Variants in RANBP2 observed in about 807,000 individuals in gnomAD.
RANBP2 encodes the protein E3 SUMO-protein ligase RanBP2.
In RANBP2, 57 loss-of-function variants were observed where a neutral mutation model predicts 303.6. The observed-to-expected ratio is 0.19, with a 90% CI of 0.15 to 0.23. The LOEUF (loss-of-function observed/expected upper bound fraction) is 0.23. Among genes scored for constraint, RANBP2 ranks in the 10% least tolerant of loss-of-function variants. RANBP2 has a pLI of 1.00. For synonymous variants in RANBP2, 1,167 were observed against 1,301.5 expected (o/e 0.90, Z 2.23); for missense variants, 3,138 against 3,780.8 (o/e 0.83, Z 4.46).
At chr2:108,742,561 C>T (rs539876551) in intron 7 of RANBP2, among the ~76,000 whole-genome samples, 72 of 152,152 alleles carry the variant, frequency 4.7e-4, no homozygotes, top group African/African-American at 1.6e-3. Context: ...GACTTGGCCT[C>T]TCAAAGTGCT....
At chr2:109,632,266 A>G in the RANBP2 span, among the ~76,000 whole-genome samples, 113 of 152,318 alleles carry the variant, frequency 7.4e-4, 1 homozygote, top group African/African-American at 2.7e-3. Flanking sequence ...TGAGTCTGCC[A>G]GTTGTACTAG....
chr2:109,513,468 T>TGTACACACA, the RANBP2 span, among the ~76,000 whole-genome samples: 1 of 141,364 alleles, frequency 7.1e-6, no homozygotes, highest in East Asian at 2.2e-4. Context: ...ATATAGACAC[T>TGTACACACA]CCACATGTAC....
the RANBP2 span, chr2:109,432,637 G>T: frequency 6.2e-7 from 1 of 1,612,906 alleles, no homozygotes; most frequent in Non-Finnish European, 8.5e-7. Context: ...GGTCTCTGGG[G>T]TGTTCCCCGG....
At chr2:109,138,957 T>C in the RANBP2 span, among the ~76,000 whole-genome samples, 1 of 152,224 alleles carries the variant, frequency 6.6e-6, no homozygotes, top group Non-Finnish European at 1.5e-5. Flanking sequence ...AGCCAATAGG[T>C]ATCTCTTGAC....
the RANBP2 span, among the ~76,000 whole-genome samples, chr2:109,627,429 T>C: frequency 5.3e-5 from 8 of 152,184 alleles, no homozygotes; most frequent in Non-Finnish European, 1.2e-4. Context: ...ACCTCTGAGC[T>C]CAGGTGATCC....
the RANBP2 span, among the ~76,000 whole-genome samples, chr2:109,318,435 C>T: frequency 1.3e-5 from 2 of 152,268 alleles, no homozygotes; most frequent in East Asian, 3.9e-4. Flanking sequence ...TTGTGTGAGG[C>T]CTCCTCTCAA....
At chr2:108,999,661 T>C in the RANBP2 span, among the ~76,000 whole-genome samples, 1 of 152,234 alleles carries the variant, frequency 6.6e-6, no homozygotes, top group African/African-American at 2.4e-5. Context: ...TTATGTACAC[T>C]TTTCGGTTTC....
the RANBP2 span, among the ~76,000 whole-genome samples, chr2:109,429,600 C>T: frequency 2.0e-5 from 3 of 152,152 alleles, no homozygotes; most frequent in Non-Finnish European, 4.4e-5. Flanking sequence ...CGGGCCACAC[C>T]TCTGTGCAAC....
chr2:109,241,557 C>T, the RANBP2 span, among the ~76,000 whole-genome samples: 1 of 152,126 alleles, frequency 6.6e-6, no homozygotes, highest in Non-Finnish European at 1.5e-5. Flanking sequence ...TCCCACACAA[C>T]CTTCTTCCCT....
chr2:109,695,149 T>C, the RANBP2 span, among the ~76,000 whole-genome samples: 2 of 151,952 alleles, frequency 1.3e-5, no homozygotes, highest in Admixed American at 1.3e-4. Context: ...ATCCTTTTTA[T>C]AACCTCTCTT....
chr2:108,742,289 G>T (rs1696172662), intron 7 of RANBP2, among the ~76,000 whole-genome samples: 1 of 150,656 alleles, frequency 6.6e-6, no homozygotes. Context: ...GAGCCACCAT[G>T]CCCTGCCTAA....
the RANBP2 span, chr2:109,129,096 G>A: frequency 5.5e-6 from 2 of 361,178 alleles, no homozygotes; most frequent in South Asian, 3.9e-5. Flanking sequence ...CGGCTCGCCA[G>A]CTGCGCGGAG....
chr2:109,399,613 A>T, the RANBP2 span, among the ~76,000 whole-genome samples: 2 of 152,316 alleles, frequency 1.3e-5, no homozygotes, highest in East Asian at 3.9e-4. Flanking sequence ...ACAAGCAACC[A>T]ATCAGTCAAT....
chr2:109,387,242 C>T, the RANBP2 span, among the ~76,000 whole-genome samples: 1 of 152,212 alleles, frequency 6.6e-6, no homozygotes, highest in South Asian at 2.1e-4. Flanking sequence ...ATTCTCATAA[C>T]ATGATTGCAG....
the RANBP2 span, among the ~76,000 whole-genome samples, chr2:109,074,343 G>A: frequency 6.6e-6 from 1 of 150,480 alleles, no homozygotes; most frequent in East Asian, 1.9e-4. Context: ...ACTCCAGCCT[G>A]GACAACAGAG....
At chr2:109,641,713 G>C in the RANBP2 span, among the ~76,000 whole-genome samples, 1 of 151,594 alleles carries the variant, frequency 6.6e-6, no homozygotes, top group African/African-American at 2.4e-5. Context: ...TGTATCTCTT[G>C]AATCACTTTT....
the RANBP2 span, among the ~76,000 whole-genome samples, chr2:108,803,146 A>G: frequency 1.3e-5 from 2 of 152,216 alleles, no homozygotes. Context: ...GAGGCATTAA[A>G]GTGTTAGCCA....
the RANBP2 span, among the ~76,000 whole-genome samples, chr2:109,764,611 A>G: frequency 1.3e-5 from 2 of 149,204 alleles, no homozygotes; most frequent in African/African-American, 4.9e-5. Flanking sequence ...AACACTGGTG[A>G]TTCAGAAAAG....
At chr2:109,652,966 C>G in the RANBP2 span, among the ~76,000 whole-genome samples, 143 of 152,270 alleles carry the variant, frequency 9.4e-4, 1 homozygote, top group African/African-American at 3.3e-3. Context: ...CCCCTATGAG[C>G]TAGCAAAGTC....
Sources: allele counts gnomAD v4.1 joint callset (sites outside exome capture counted in the v4.1 genomes callset), GRCh38; gene constraint gnomAD v4.1.1; transcripts MANE v1.5; gene names NCBI Gene and HGNC (gene_info 2026-07-23, HGNC 2026-07-21).